Variants in SEMA3A observed in about 807,000 individuals in gnomAD.
SEMA3A encodes the protein semaphorin-3A.
In SEMA3A, 29 loss-of-function variants were observed where a neutral mutation model predicts 97.9. The observed-to-expected ratio is 0.30, with a 90% CI of 0.22 to 0.40. The LOEUF is 0.40. SEMA3A is among the 10% of genes least tolerant of loss of function. The pLI, the probability that SEMA3A is intolerant of heterozygous loss-of-function variation, is 1.00. For missense variants in SEMA3A, 763 were observed against 951.3 expected (o/e 0.80, Z 2.60); for synonymous variants, 321 against 323.7 (o/e 0.99, Z 0.09).
chr7:83,964,053 T>G (rs955889542), intron 15 of SEMA3A, among the ~76,000 whole-genome samples: 5 of 152,192 alleles, frequency 3.3e-5, no homozygotes, highest in African/African-American at 1.2e-4. Context: ...AATTAGGCTA[T>G]GGAATAAGGC....
intron 2 of SEMA3A, among the ~76,000 whole-genome samples, chr7:84,352,929 A>G (rs891403311): frequency 1.3e-5 from 2 of 151,824 alleles, no homozygotes; most frequent in African/African-American, 4.8e-5. Context: ...ATTGGTAAAG[A>G]TAAGTATCAA....
At position 84,213,304 on chromosome 7, in the gene SEMA3A, T is replaced by A. The variant is rs1224270396; in HGVS notation, c.-82-18636A>T. On this transcript the variant is annotated intron_variant, in intron 3 of 3. Transcript: ENST00000424555. ...TTTCTTAATTTTTTTTTAAGACAAG[T>A]CTTGCTCTGTCATCCAGGATGGAAT... is the stretch of plus-strand genomic sequence containing the variant. Among the ~76,000 whole-genome samples, 4 of 152,018 alleles carry A rather than the reference T, an allele frequency of 2.6e-5. No individual in the cohort carries two copies. The South Asian group carries it at 8.3e-4, about 32-fold the overall frequency.
chr7:84,424,979 A>G (rs1475344507), intron 1 of SEMA3A, among the ~76,000 whole-genome samples: 1 of 102,844 alleles, frequency 9.7e-6, no homozygotes, highest in East Asian at 3.2e-4. Flanking sequence ...TATATTTATA[A>G]TTTATAATTA....
chr7:84,231,091 G>A (rs1050879937), intron 3 of SEMA3A, among the ~76,000 whole-genome samples: 1 of 151,742 alleles, frequency 6.6e-6, no homozygotes, highest in East Asian at 1.9e-4. Context: ...TTCTTCCCTG[G>A]GGTGATTCCT....
rs1790713809 is a variant in SEMA3A at position 84,007,457 on chromosome 7, T to A, written c.1036A>T (p.Ser346Cys). Residue 346 changes from serine (S) to cysteine (C), a missense_variant, in exon 10 of 17, where the codon AGT (serine) becomes TGT (cysteine). Physicochemically the swap from Ser to Cys is moderately radical, Grantham distance 112. Around this residue, in one of 2 missense-constraint regions of SEMA3A, gnomAD observed 678 missense variants for 881.3 expected, o/e 0.77. Coordinates refer to ENST00000265362, the MANE Select transcript of SEMA3A (RefSeq NM_006080.3). ...CCAAGGAACACCCTTCTCACATCAC[T>A]CATGCTATACATACACACGGCTGAT... ...KGSAVCMYSM[S>C]DVRRVFLGPY... 1 of 1,605,148 alleles carries A rather than the reference T, an allele frequency of 6.2e-7. No individual in the cohort carries two copies. Among genetic ancestry groups the A allele is most frequent in the Non-Finnish European group, 8.5e-7 (1 of 1,175,644 alleles).
chr7:84,365,168 G>A (rs1463898842), intron 2 of SEMA3A, among the ~76,000 whole-genome samples: 2 of 151,706 alleles, frequency 1.3e-5, no homozygotes, highest in African/African-American at 4.8e-5. Context: ...TATGCCACAG[G>A]AAAATAAATG....
rs532068154 is a variant in SEMA3A at position 84,425,676 on chromosome 7, T to A, written c.-245-53776A>T. 8.7e-5 allele frequency among the ~76,000 whole-genome samples: 13 copies of A among 148,614 alleles called. No individual in the cohort carries two copies. In the East Asian group the frequency reaches 2.3e-3, roughly 27 times the overall value. The stretch of plus-strand genomic sequence containing the variant: ...TATGCCTGGTTGTTAAAACTTTATA[T>A]AATTGTAATGAAGATTCGATATGAA... On this transcript the variant is annotated intron_variant, in intron 1 of 3. Transcript: ENST00000424555.
At chr7:84,386,285 A>G (rs1212371704) in intron 1 of SEMA3A, among the ~76,000 whole-genome samples, 4 of 152,184 alleles carry the variant, frequency 2.6e-5, no homozygotes, top group Non-Finnish European at 4.4e-5. Flanking sequence ...AATCTGCTAC[A>G]TATTTGGGCA....
At chr7:84,482,507 A>T (rs934472445) in intron 1 of SEMA3A, among the ~76,000 whole-genome samples, 1 of 152,162 alleles carries the variant, frequency 6.6e-6, no homozygotes, top group Non-Finnish European at 1.5e-5. Flanking sequence ...GAGACTGTTC[A>T]ACCCAGGGCC....
At chr7:84,258,776 C>T (rs1239527403) in intron 3 of SEMA3A, among the ~76,000 whole-genome samples, 1 of 152,102 alleles carries the variant, frequency 6.6e-6, no homozygotes, top group Non-Finnish European at 1.5e-5. Flanking sequence ...AAATTATAGC[C>T]CAAGATTCCT....
chr7:84,053,674 A>C (rs998148226), intron 5 of SEMA3A, among the ~76,000 whole-genome samples: 1 of 149,820 alleles, frequency 6.7e-6, no homozygotes, highest in Middle Eastern at 3.2e-3. Flanking sequence ...CCAATTTGCC[A>C]GTCTGTGTCT....
intron 4 of SEMA3A, among the ~76,000 whole-genome samples, chr7:84,103,846 G>C (rs534206899): frequency 1.3e-5 from 2 of 152,162 alleles, no homozygotes; most frequent in East Asian, 3.9e-4. Context: ...CAGGCAATGG[G>C]ATTTAGTGTT....
At chr7:84,330,362 C>A (rs1801882249) in intron 2 of SEMA3A, among the ~76,000 whole-genome samples, 1 of 151,874 alleles carries the variant, frequency 6.6e-6, no homozygotes, top group South Asian at 2.1e-4. Context: ...AAATGTACCT[C>A]CTGAACAATT....
intron 3 of SEMA3A, among the ~76,000 whole-genome samples, chr7:84,218,019 C>T (rs1798789972): frequency 6.6e-6 from 1 of 151,876 alleles, no homozygotes; most frequent in Non-Finnish European, 1.5e-5. Flanking sequence ...AAAATTCTCT[C>T]ATACAAGGTT....
At chr7:84,013,102 T>C (rs1790950583) in intron 7 of SEMA3A, among the ~76,000 whole-genome samples, 1 of 152,098 alleles carries the variant, frequency 6.6e-6, no homozygotes, top group Admixed American at 6.6e-5. Flanking sequence ...TTTTTTAAAT[T>C]TCAGGATGCT....
In SEMA3A at chr7:84,200,537, G is replaced by T. The variant is rs1798328831; in HGVS notation, c.-82-5869C>A. 1.3e-5 allele frequency among the ~76,000 whole-genome samples: 2 copies of T among 152,092 alleles called. 1 individual carries two copies. The highest frequency in any genetic ancestry group is 4.1e-4 in the South Asian group (2 of 4,830). ...ATAAGTTATGGTTAGTATCCCACTT[G>T]CCAAATGTAGCTAAAATACGGTTAT... On this transcript the variant is annotated intron_variant, in intron 3 of 3. Transcript: ENST00000424555.
intron 13 of SEMA3A, among the ~76,000 whole-genome samples, chr7:83,982,695 A>G (rs1313688494): frequency 6.6e-6 from 1 of 152,152 alleles, no homozygotes; most frequent in Non-Finnish European, 1.5e-5. Flanking sequence ...TCTCTGAACA[A>G]TGATATGCTT....
rs1321913054 is a variant in SEMA3A, at chr7:84,121,609, A to T, written c.333+7514T>A. 3.9e-5 allele frequency among the ~76,000 whole-genome samples: 3 copies of T among 76,078 alleles called. 1 individual carries two copies. The highest frequency in any genetic ancestry group is 3.4e-4 in the Admixed American group (2 of 5,842). 49.9% of individuals were successfully genotyped at this position (76,078 alleles called of 152,430 possible). On this transcript the variant is annotated intron_variant, in intron 3 of 16. Transcript: ENST00000265362. ...CCACATTTTCTTAATCCAGTCTATC[A>T]TTGATGGATATTTGGGTTGGTTCCA...
At chr7:84,026,643 T>C (rs1299896627) in intron 6 of SEMA3A, among the ~76,000 whole-genome samples, 1 of 152,204 alleles carries the variant, frequency 6.6e-6, no homozygotes, top group Non-Finnish European at 1.5e-5. Flanking sequence ...AATTAGTGCA[T>C]GTACACCATG....
Sources: gnomAD v4.1 joint callset for allele counts (sites outside exome capture counted in the v4.1 genomes callset) on GRCh38, gnomAD v4.1.1 for gene constraint, gnomAD v4.1.1 regional missense constraint, MANE v1.5 for transcripts, NCBI Gene and HGNC (gene_info 2026-07-23, HGNC 2026-07-21) for gene names.